F3: variants seen among roughly 807,000 people sequenced by gnomAD.
F3 encodes coagulation factor III, tissue factor, also known as tissue factor.
Under a neutral mutation model 33.5 loss-of-function variants are expected in F3, and 18 were observed. The observed-to-expected ratio is 0.54, with a 90% CI of 0.37 to 0.80. The LOEUF (loss-of-function observed/expected upper bound fraction) is 0.80. Ranked by LOEUF, F3 falls within the 30% of genes least tolerant of loss-of-function variation. The probability of loss-of-function intolerance (pLI) is 0.00; values close to 1 mark genes in which losing one functional copy is unlikely to be tolerated. For missense variants in F3, 353 were observed against 362.1 expected, an observed-to-expected ratio of 0.97 and a Z score of 0.20; for synonymous variants, 147 against 140.7, an observed-to-expected ratio of 1.05 and a Z score of -0.32.
In F3 at chr1:94,540,388, AG is replaced by A; in HGVS notation, c.101-21del. 6.5e-7 allele frequency: 1 copy of A among 1,538,702 alleles called. No homozygotes were observed. Among genetic ancestry groups the A allele is most frequent in the Non-Finnish European group, 9.0e-7 (1 of 1,112,560 alleles). On this transcript the variant is annotated intron_variant, in intron 1 of 5. Transcript: ENST00000334047. ...TAGTGCCTTTAAACAACAGAGAAAC[AG>A]CTATTATTACATGCACTTCAGAGCA...
At chr1:94,538,076 G>C (rs1651665517) in intron 2 of F3, among the ~76,000 whole-genome samples, 1 of 152,158 alleles carries the variant, frequency 6.6e-6, no homozygotes, top group African/African-American at 2.4e-5. Flanking sequence ...AGGTAATGAA[G>C]GGACAATTCT....
chr1:94,533,183 G>A lies in F3; in HGVS notation c.498C>T (p.Val166=). The part of the protein sequence containing the change: ...NVTVEDERTL[V]RRNNTFLSLR... ...GGCTTAGGAAAGTGTTGTTCCTTCT[G>A]ACTAAAGTCCGTTCATCTTCTACGG... is the stretch of plus-strand genomic sequence containing the variant. The change falls in exon 4 of 6, where the codon GTC becomes GTT. Residue 166 remains valine (V), a synonymous_variant. Coordinates refer to ENST00000334047, the MANE Select transcript of F3 (RefSeq NM_001993.5). 6.2e-7 allele frequency: 1 copy of A among 1,613,962 alleles called. No homozygotes were observed. The highest frequency in any genetic ancestry group is 1.1e-5 in the South Asian group (1 of 90,992).
Position 94,530,335 on chromosome 1 carries a change from G to GT in F3, c.*124dup. The GT allele has an allele frequency of 8.0e-7, 1 of 1,252,602 alleles. No individual in the cohort carries two copies. Among genetic ancestry groups the GT allele is most frequent in the African/African-American group, 1.5e-5 (1 of 67,282 alleles). 77.6% of individuals were successfully genotyped at this position (1,252,602 alleles called of 1,614,324 possible). A position where few individuals can be genotyped will look rare whatever the true frequency, so the allele number is the denominator to read the frequency against. ...ATGGTAATAACAGGTCATATCAAGA[G>GT]TTTTTTGAACTCCAGGGTCTTCATG... On this transcript the variant is annotated 3_prime_UTR_variant, in exon 6 of 6. Coordinates refer to ENST00000334047, the MANE Select transcript of F3 (RefSeq NM_001993.5).
At position 94,540,321 on chromosome 1, in the gene F3, T is replaced by C. The variant is rs2101095171; in HGVS notation, c.148A>G (p.Asn50Asp). Residue 50 changes from asparagine to aspartate, a missense_variant, in exon 2 of 6, where the codon AAT becomes GAT. Coordinates refer to ENST00000334047, the MANE Select transcript of F3 (RefSeq NM_001993.5). ...TCCCACTCCAAAATTGTCTTGAAAT[T>C]AGTTGATTTCCAAGTTAAATTATAT... ...AAYNLTWKST[N>D]FKTILEWEPK... 6.2e-7 allele frequency: 1 copy of C among 1,614,106 alleles called. No homozygotes were observed.
rs1651457296 is a variant in F3, at chr1:94,532,325, G to C, written c.747C>G (p.Phe249Leu). 6.2e-7 allele frequency: 1 copy of C among 1,613,876 alleles called. No homozygotes were observed. Among genetic ancestry groups the C allele is most frequent in the Admixed American group, 1.7e-5 (1 of 59,976 alleles). ...ATGGCTGGCAGAGCCACTCACCTCTGAATTCCCCTTTCTCCTGGCCCATAC... is the reference window on the plus strand; with the variant it reads ...ATGGCTGGCAGAGCCACTCACCTCTCAATTCCCCTTTCTCCTGGCCCATAC... Reference protein sequence around the residue: ...VECMGQEKGEFREIFYIIGAV... With the variant: ...VECMGQEKGELREIFYIIGAV... The change falls in exon 5 of 6, where the codon TTC (phenylalanine) becomes TTG (leucine). Residue 249 changes from phenylalanine to leucine, a missense_variant. By Grantham distance (22) the Phe-to-Leu change is conservative. Coordinates refer to ENST00000334047, the MANE Select transcript of F3 (RefSeq NM_001993.5).
intron 4 of F3, 114 bp from the exon 5 acceptor site, chr1:94,532,594 G>T: frequency 9.1e-7 from 1 of 1,103,788 alleles, no homozygotes; most frequent in Non-Finnish European, 1.3e-6. Flanking sequence ...CAAGAACACA[G>T]CTGACACGTG....
Position 94,530,425 on chromosome 1 carries a change from A to G in F3, c.*35T>C, listed in dbSNP as rs1243327846. On this transcript the variant is annotated 3_prime_UTR_variant, in exon 6 of 6. Coordinates refer to ENST00000334047, the MANE Select transcript of F3 (RefSeq NM_001993.5). ...CTTAAAAGTTCTCGGTCACAGTGCAATATAGCATTTGCAGTAGCTCCAACA... is the reference window on the plus strand; with the variant it reads ...CTTAAAAGTTCTCGGTCACAGTGCAGTATAGCATTTGCAGTAGCTCCAACA... 1.2e-6 allele frequency: 2 copies of G among 1,613,436 alleles called. No homozygotes were observed. The highest frequency in any genetic ancestry group is 1.7e-5 in the Admixed American group (1 of 59,998).
rs1413569309 is a variant in F3, at chr1:94,533,149, C to T, written c.532G>A (p.Val178Ile). 1 of 1,613,806 alleles carries T rather than the reference C, an allele frequency of 6.2e-7. No individual in the cohort carries two copies. Among genetic ancestry groups the T allele is most frequent in the Non-Finnish European group, 8.5e-7 (1 of 1,179,916 alleles). Residue 178 changes from valine to isoleucine, a missense_variant, in exon 4 of 6, where the codon GTT becomes ATT. Transcript: ENST00000334047. ...GTATAAATTAAGTCCTTGCCAAAAA[C>T]ATCCCGGAGGCTTAGGAAAGTGTTG... ...RNNTFLSLRD[V>I]FGKDLIYTLY...
In F3 at chr1:94,541,457, C is replaced by T. The variant is rs576173705; in HGVS notation, c.100+80G>A. The stretch of plus-strand genomic sequence containing the variant: ...ACATGGGCGCCCCGGGGAACCAGGG[C>T]GAGCCCGCTGCCAGCCAGGACTGTC... On this transcript the variant is annotated intron_variant, in intron 1 of 5. Transcript: ENST00000334047. The T allele has an allele frequency of 7.8e-6, 9 of 1,160,876 alleles. No homozygotes were observed. In the African/African-American group the frequency reaches 1.1e-4, roughly 15 times the overall value. 71.9% of individuals were successfully genotyped at this position (1,160,876 alleles called of 1,614,324 possible). A position where few individuals can be genotyped will look rare whatever the true frequency, so the allele number is the denominator to read the frequency against.
At chr1:94,540,392 A>G (rs1651737282) in intron 1 of F3, 24 bp from the exon 2 acceptor site, 3 of 1,505,572 alleles carry the variant, frequency 2.0e-6, no homozygotes, top group Admixed American at 1.7e-5. Flanking sequence ...AGAAACAGCT[A>G]TTATTACATG....
Position 94,540,323 on chromosome 1 carries a change from G to T in F3, c.146C>A (p.Thr49Asn), listed in dbSNP as rs765444327. The part of the protein sequence containing the change: ...VAAYNLTWKS[T>N]NFKTILEWEP... ...CCACTCCAAAATTGTCTTGAAATTA[G>T]TTGATTTCCAAGTTAAATTATATGC... The change falls in exon 2 of 6, where the codon ACT becomes AAT. Residue 49 changes from threonine to asparagine, a missense_variant. Thr to Asn is a moderately conservative substitution (Grantham distance 65). Coordinates refer to ENST00000334047, the MANE Select transcript of F3 (RefSeq NM_001993.5). The T allele has an allele frequency of 6.2e-7, 1 of 1,614,044 alleles. No homozygotes were observed. Among genetic ancestry groups the T allele is most frequent in the South Asian group, 1.1e-5 (1 of 91,080 alleles).
At position 94,541,452 on chromosome 1, in the gene F3, C is replaced by A. The variant is rs184093564; in HGVS notation, c.100+85G>T. 5,120 of 1,123,808 alleles carry A rather than the reference C, an allele frequency of 4.6e-3. 12 individuals carry two copies. Among genetic ancestry groups the A allele is most frequent in the Non-Finnish European group, 5.5e-3 (4,676 of 848,084 alleles). The allele number at this position is 1,123,808 out of a possible 1,614,324, so 69.6% of individuals were successfully genotyped here. A position where few individuals can be genotyped will look rare whatever the true frequency, so the allele number is the denominator to read the frequency against. On this transcript the variant is annotated intron_variant, in intron 1 of 5. Coordinates refer to ENST00000334047, the MANE Select transcript of F3 (RefSeq NM_001993.5). Reference sequence around the variant, plus strand: ...GGACAACATGGGCGCCCCGGGGAACCAGGGCGAGCCCGCTGCCAGCCAGGA... The same window carrying A: ...GGACAACATGGGCGCCCCGGGGAACAAGGGCGAGCCCGCTGCCAGCCAGGA...
In F3 at chr1:94,540,373, AAAC is replaced by A. The variant is rs758030513; in HGVS notation, c.101-8_101-6del. 6.9e-6 allele frequency: 11 copies of A among 1,595,092 alleles called. No homozygotes were observed. The Admixed American group carries it at 1.2e-4, about 17-fold the overall frequency. On this transcript the variant is annotated splice_region_variant and splice_polypyrimidine_tract_variant and intron_variant, in intron 1 of 5. Coordinates refer to ENST00000334047, the MANE Select transcript of F3 (RefSeq NM_001993.5). ...CTGCCACAGTATTTGTAGTGCCTTTAAACAACAGAGAAACAGCTATTATTACAT... is the reference window on the plus strand; with the variant it reads ...CTGCCACAGTATTTGTAGTGCCTTTAAACAGAGAAACAGCTATTATTACAT...
intron 3 of F3, among the ~76,000 whole-genome samples, chr1:94,535,364 G>A (rs1479375264): frequency 6.6e-6 from 1 of 152,180 alleles, no homozygotes; most frequent in African/African-American, 2.4e-5. Context: ...CAGGGGCAAA[G>A]GCTGAGGAGG....
chr1:94,535,855 G>T, intron 3 of F3, 110 bp downstream of exon 3: 1 of 1,049,904 alleles, frequency 9.5e-7, no homozygotes, highest in Non-Finnish European at 1.4e-6. Context: ...CAGTTTCTGA[G>T]AAAAAAAGAA....
At chr1:94,534,083 TC>T (rs1651520937) in intron 3 of F3, among the ~76,000 whole-genome samples, 1 of 152,062 alleles carries the variant, frequency 6.6e-6, no homozygotes, top group Non-Finnish European at 1.5e-5. Context: ...GCCAGGCTGG[TC>T]TTGAACTCCT....
intron 2 of F3, among the ~76,000 whole-genome samples, 197 bp downstream of exon 2, chr1:94,540,060 G>T (rs866148703): frequency 6.6e-6 from 1 of 152,174 alleles, no homozygotes; most frequent in African/African-American, 2.4e-5. Flanking sequence ...CAATTAAAAT[G>T]TTCTATCAGT....
intron 3 of F3, 78 bp downstream of exon 3, chr1:94,535,887 C>T (rs1651587395): frequency 2.3e-6 from 3 of 1,294,544 alleles, no homozygotes; most frequent in Non-Finnish European, 3.3e-6. Context: ...AATTTTGTAG[C>T]CCCTAAAGGC....
rs1460680445 is a variant in F3 at position 94,535,969 on chromosome 1, C to T, written c.408G>A (p.Leu136=). The T allele has an allele frequency of 6.2e-7, 1 of 1,613,976 alleles. No homozygotes were observed. Among genetic ancestry groups the T allele is most frequent in the Non-Finnish European group, 8.5e-7 (1 of 1,179,946 alleles). ...ATTACAGCCCAAGCCACTTACTCTCCAGGTAAGGTGTGAACTCTGGGGAGT... is the reference window on the plus strand; with the variant it reads ...ATTACAGCCCAAGCCACTTACTCTCTAGGTAAGGTGTGAACTCTGGGGAGT... ...YENSPEFTPY[L]ETNLGQPTIQ... is the part of the protein sequence containing the mutation. Residue 136 remains leucine, a synonymous_variant, in exon 3 of 6, where the codon CTG becomes CTA. Transcript: ENST00000334047.
Sources: gnomAD v4.1 joint callset for allele counts (sites outside exome capture counted in the v4.1 genomes callset) on GRCh38, gnomAD v4.1.1 for gene constraint, MANE v1.5 for transcripts, NCBI Gene and HGNC (gene_info 2026-07-23, HGNC 2026-07-21) for gene names.